The following ZNF648 variants were observed in gnomAD, a reference collection of about 807,000 sequenced individuals.
The protein encoded by ZNF648 is zinc finger protein 648.
A neutral mutation model predicts 0.3 loss-of-function variants in ZNF648; 1 was observed. The ratio of observed to expected loss-of-function variants is 3.90; its 90% CI spans 1.39 to 18.51. ZNF648 has a LOEUF of 18.51. Among genes scored for constraint, ZNF648 ranks in the 30% most tolerant of loss-of-function variants. The pLI is 0.11. For synonymous variants in ZNF648, 376 were observed against 326.8 expected, an observed-to-expected ratio of 1.15 and a Z score of -1.62; for missense variants, 874 against 769.7, an observed-to-expected ratio of 1.14 and a Z score of -1.60.
At position 182,057,124 on chromosome 1, in the gene ZNF648, T is replaced by C. The variant is rs1326914900; in HGVS notation, c.887A>G (p.Gln296Arg). The C allele has an allele frequency of 6.2e-7, 1 of 1,606,940 alleles. No individual in the cohort carries two copies. Among genetic ancestry groups the C allele is most frequent in the Non-Finnish European group, 8.5e-7 (1 of 1,179,718 alleles). Reference sequence around the variant, plus strand: ...CTCGCCCGTGTGCAGGCGCCTGTGCTGCTGGAGTGTGCCGCGGTGGGAGTA... The same window carrying C: ...CTCGCCCGTGTGCAGGCGCCTGTGCCGCTGGAGTGTGCCGCGGTGGGAGTA... ...KAYSHRGTLQ[Q>R]HRRLHTGERP... The change falls in exon 2 of 2, where the codon CAG (glutamine) becomes CGG (arginine). Residue 296 changes from glutamine to arginine, a missense_variant. Coordinates refer to ENST00000339948, the MANE Select transcript of ZNF648 (RefSeq NM_001009992.1).
rs1387780715 is a variant in ZNF648, at chr1:182,056,402, A to G, written c.1609T>C (p.Cys537Arg). The G allele has an allele frequency of 2.5e-6, 4 of 1,614,140 alleles. No individual in the cohort carries two copies. Among genetic ancestry groups the G allele is most frequent in the Non-Finnish European group, 3.4e-6 (4 of 1,180,028 alleles). Residue 537 changes from cysteine to arginine, a missense_variant, in exon 2 of 2, where the codon TGC becomes CGC. Cys to Arg is a radical substitution (Grantham distance 180). Coordinates refer to ENST00000339948, the MANE Select transcript of ZNF648 (RefSeq NM_001009992.1). The stretch of plus-strand genomic sequence containing the variant: ...TTGGACCTGGTGAAGGCCTGGCCGC[A>G]GTCCTCACACTGGTAGGGCCTCTCT... Reference protein sequence around the residue: ...NGERPYQCEDCGQAFTRSNHL... With the variant: ...NGERPYQCEDRGQAFTRSNHL...
intron 1 of ZNF648, among the ~76,000 whole-genome samples, chr1:182,059,803 C>CAAA (rs11439786): frequency 5.1e-5 from 7 of 136,884 alleles, no homozygotes; most frequent in South Asian, 2.4e-4. Context: ...GACTACATCT[C>CAAA]AAAAAAAAAA....
Position 182,056,021 on chromosome 1 carries a change from T to G in ZNF648, c.*283A>C, listed in dbSNP as rs376120112. On this transcript the variant is annotated 3_prime_UTR_variant, in exon 2 of 2. Coordinates refer to ENST00000339948, the MANE Select transcript of ZNF648 (RefSeq NM_001009992.1). ...AGAAGCAGTTTCTGATTGATTCAGGTTCCCCAACCCAAGGAACTCAACGTT... is the reference window on the plus strand; with the variant it reads ...AGAAGCAGTTTCTGATTGATTCAGGGTCCCCAACCCAAGGAACTCAACGTT... The G allele has an allele frequency of 2.4e-6, 1 of 418,290 alleles. No homozygotes were observed. The allele number at this position is 418,290 out of a possible 1,614,324, so 25.9% of individuals were successfully genotyped here.
rs544596185 is a variant in ZNF648, at chr1:182,056,954, G to T, written c.1057C>A (p.His353Asn). 2 of 1,613,466 alleles carry T rather than the reference G, an allele frequency of 1.2e-6. No homozygotes were observed. The highest frequency in any genetic ancestry group is 1.7e-6 in the Non-Finnish European group (2 of 1,179,792). Residue 353 changes from histidine (H) to asparagine (N), a missense_variant, in exon 2 of 2, where the codon CAC becomes AAC. Physicochemically the swap from His to Asn is moderately conservative, Grantham distance 68 (BLOSUM62 1). Coordinates refer to ENST00000339948, the MANE Select transcript of ZNF648 (RefSeq NM_001009992.1). Reference protein sequence around the residue: ...AFVRSSDLRKHQRNMHSNNKP... With the variant: ...AFVRSSDLRKNQRNMHSNNKP... ...TTGTTGCTGTGCATGTTGCGCTGGT[G>T]TTTGCGCAGGTCCGAAGAGCGCACG...
At chr1:182,068,057 G>T in the ZNF648 span, among the ~76,000 whole-genome samples, 1 of 152,202 alleles carries the variant, frequency 6.6e-6, no homozygotes, top group African/African-American at 2.4e-5. Flanking sequence ...GGGGAGGTTA[G>T]AAGGGAAGAT....
chr1:182,057,249 C>T lies in ZNF648; in HGVS notation c.762G>A (p.Arg254=). The change falls in exon 2 of 2, where the codon CGG becomes CGA. Residue 254 remains arginine (R), a synonymous_variant. Transcript: ENST00000339948. The part of the protein sequence containing the change: ...EAEARPYRCL[R]GGRAFQKPSK... ...TGGGCTTCTGAAAGGCCCGCCCGCC[C>T]CGCAGGCACCTGTAGGGACGCGCCT... The T allele has an allele frequency of 6.3e-7, 1 of 1,576,000 alleles. No individual in the cohort carries two copies. The highest frequency in any genetic ancestry group is 8.6e-7 in the Non-Finnish European group (1 of 1,167,548).
At chr1:182,066,270 T>C (rs1172185356), upstream of ZNF648, among the ~76,000 whole-genome samples, 1 of 152,156 alleles carries the variant, frequency 6.6e-6, no homozygotes, top group Non-Finnish European at 1.5e-5. Flanking sequence ...CAGGAGCTCA[T>C]TTGTGCCTAT....
intron 1 of ZNF648, among the ~76,000 whole-genome samples, chr1:182,059,838 A>G (rs1335492728): frequency 6.6e-6 from 1 of 151,180 alleles, no homozygotes; most frequent in Non-Finnish European, 1.5e-5. Context: ...TATTATTACT[A>G]TATTATTCTT....
rs1665943874 is a variant in ZNF648, at chr1:182,057,274, T to C, written c.737A>G (p.Glu246Gly). Reference sequence around the variant, plus strand: ...CCGCAGGCACCTGTAGGGACGCGCCTCAGCCTCTCCGCCCTCGCGCCGGCC... The same window carrying C: ...CCGCAGGCACCTGTAGGGACGCGCCCCAGCCTCTCCGCCCTCGCGCCGGCC... ...QAGRREGGEA[E>G]ARPYRCLRGG... is the part of the protein sequence containing the mutation. Residue 246 changes from glutamate to glycine, a missense_variant, in exon 2 of 2, where the codon GAG becomes GGG. Glu to Gly is a moderately conservative substitution (Grantham distance 98). Transcript: ENST00000339948. The C allele has an allele frequency of 6.3e-7, 1 of 1,591,112 alleles. No individual in the cohort carries two copies. The highest frequency in any genetic ancestry group is 1.3e-5 in the African/African-American group (1 of 74,764).
In ZNF648 at chr1:182,056,389, A is replaced by G. The variant is rs199525660; in HGVS notation, c.1622T>C (p.Phe541Ser). 52 of 1,613,922 alleles carry G rather than the reference A, an allele frequency of 3.2e-5. No homozygotes were observed. The highest frequency in any genetic ancestry group is 4.2e-5 in the Non-Finnish European group (49 of 1,180,026). Residue 541 changes from phenylalanine to serine, a missense_variant, in exon 2 of 2, where the codon TTC becomes TCC. Transcript: ENST00000339948. Reference protein sequence around the residue: ...PYQCEDCGQAFTRSNHLQRHR... With the variant: ...PYQCEDCGQASTRSNHLQRHR... Reference sequence around the variant, plus strand: ...TCGTTGGAGGTGATTGGACCTGGTGAAGGCCTGGCCGCAGTCCTCACACTG... The same window carrying G: ...TCGTTGGAGGTGATTGGACCTGGTGGAGGCCTGGCCGCAGTCCTCACACTG...
chr1:182,056,171 C>G lies in ZNF648; in HGVS notation c.*133G>C. 1 of 1,248,590 alleles carries G rather than the reference C, an allele frequency of 8.0e-7. No homozygotes were observed. Among genetic ancestry groups the G allele is most frequent in the Non-Finnish European group, 1.1e-6 (1 of 920,798 alleles). 77.3% of individuals were successfully genotyped at this position (1,248,590 alleles called of 1,614,324 possible). A position where few individuals can be genotyped will look rare whatever the true frequency, so the allele number is the denominator to read the frequency against. The stretch of plus-strand genomic sequence containing the variant: ...GGTGGTGACTTTCTGTTCAAGGGAT[C>G]AAATAAATAATCAAATGGACCACTG... On this transcript the variant is annotated 3_prime_UTR_variant, in exon 2 of 2. Transcript: ENST00000339948.
At chr1:182,058,633 G>A (rs966020700) in intron 1 of ZNF648, among the ~76,000 whole-genome samples, 1 of 151,908 alleles carries the variant, frequency 6.6e-6, no homozygotes, top group African/African-American at 2.4e-5. Flanking sequence ...GGTGAGTCAG[G>A]AAGGCACCAG....
chr1:182,061,907 C>G (rs569826473), upstream of ZNF648, among the ~76,000 whole-genome samples: 3 of 152,212 alleles, frequency 2.0e-5, no homozygotes, highest in African/African-American at 7.2e-5. Flanking sequence ...GCAGGTGGCC[C>G]TATGCCTCTT....
rs144036249 is a variant in ZNF648, at chr1:182,056,473, A to C, written c.1538T>G (p.Phe513Cys). The C allele has an allele frequency of 1.6e-5, 26 of 1,613,962 alleles. No individual in the cohort carries two copies. Among genetic ancestry groups the C allele is most frequent in the Non-Finnish European group, 1.9e-5 (23 of 1,179,918 alleles). The change falls in exon 2 of 2, where the codon TTC becomes TGC. Residue 513 changes from phenylalanine to cysteine, a missense_variant. Phe to Cys is a radical substitution (Grantham distance 205). Coordinates refer to ENST00000339948, the MANE Select transcript of ZNF648 (RefSeq NM_001009992.1). ...CTGGGCCAACTCAGAGGCAATGCGG[A>C]AGGCCCTGCCGCACTCGGCACAGAG... Reference protein sequence around the residue: ...GFLCAECGRAFRIASELAQHI... With the variant: ...GFLCAECGRACRIASELAQHI...
chr1:182,060,174 C>T (rs1368575701), intron 1 of ZNF648, among the ~76,000 whole-genome samples: 2 of 152,212 alleles, frequency 1.3e-5, no homozygotes, highest in Admixed American at 1.3e-4. Context: ...TTGCCCTCCG[C>T]CAAAGAGAGA....
At position 182,056,606 on chromosome 1, in the gene ZNF648, TGCGCTGGTG is replaced by T. The variant is rs1665916208; in HGVS notation, c.1396_1404del (p.His466_Arg468del). The T allele has an allele frequency of 6.2e-7, 1 of 1,613,594 alleles. No homozygotes were observed. ...GGAAAGGGCCTCTCGCCAGTGTGGA[TGCGCTGGTG>T]GCGCACGAGGCGCGAGGGCTGCGCG... is the stretch of plus-strand genomic sequence containing the variant. On this transcript the variant is annotated inframe_deletion, in exon 2 of 2. Coordinates refer to ENST00000339948, the MANE Select transcript of ZNF648 (RefSeq NM_001009992.1).
rs1000489484 is a variant in ZNF648, at chr1:182,056,951, G to A, written c.1060C>T (p.Gln354Ter). 1 of 1,613,346 alleles carries A rather than the reference G, an allele frequency of 6.2e-7. No homozygotes were observed. The highest frequency in any genetic ancestry group is 1.7e-5 in the Admixed American group (1 of 59,920). The change falls in exon 2 of 2, where the codon CAG (glutamine) becomes TAG (stop). Residue 354 changes from glutamine to a stop codon, truncating the protein, a stop_gained. Coordinates refer to ENST00000339948, the MANE Select transcript of ZNF648 (RefSeq NM_001009992.1). LOFTEE classifies it low-confidence loss of function (END_TRUNC). ...TTATTGTTGCTGTGCATGTTGCGCT[G>A]GTGTTTGCGCAGGTCCGAAGAGCGC... Reference protein sequence around the residue: ...FVRSSDLRKHQRNMHSNNKPF... With the variant: ...FVRSSDLRKH
chr1:182,067,362 A>G, the ZNF648 span, among the ~76,000 whole-genome samples: 1 of 152,356 alleles, frequency 6.6e-6, no homozygotes, highest in East Asian at 1.9e-4. Flanking sequence ...ATGGCTAATA[A>G]TAATATTTAA....
In ZNF648 at chr1:182,057,888, CCCA is replaced by C. The variant is rs778680182; in HGVS notation, c.120_122del (p.Gly41del). On this transcript the variant is annotated inframe_deletion, in exon 2 of 2. Transcript: ENST00000339948. ...CAGCGGTGCCCTCTTTTTCGGCCTC[CCCA>C]CCATCTTCATCGTCACTCTCTAAGT... is the stretch of plus-strand genomic sequence containing the variant. 1 of 1,614,100 alleles carries C rather than the reference CCCA, an allele frequency of 6.2e-7. No homozygotes were observed. Among genetic ancestry groups the C allele is most frequent in the Non-Finnish European group, 8.5e-7 (1 of 1,180,004 alleles).
Sources: allele counts gnomAD v4.1 joint callset (sites outside exome capture counted in the v4.1 genomes callset), GRCh38; gene constraint gnomAD v4.1.1; transcripts MANE v1.5; gene names NCBI Gene and HGNC (gene_info 2026-07-23, HGNC 2026-07-21).